SHROOM3: variants seen among roughly 807,000 people sequenced by gnomAD.
SHROOM3 encodes protein Shroom3.
A neutral mutation model predicts 138.6 loss-of-function variants in SHROOM3; 47 were observed. That is an observed-to-expected ratio of 0.34 (90% CI 0.27 to 0.43). The LOEUF (loss-of-function observed/expected upper bound fraction) is 0.43. Ranked by LOEUF, SHROOM3 falls within the 20% of genes least tolerant of loss-of-function variation. The pLI, the probability that SHROOM3 is intolerant of heterozygous loss-of-function variation, is 1.00. For synonymous variants in SHROOM3, 1,062 were observed against 1,063.3 expected, an observed-to-expected ratio of 1.00 and a Z score of 0.02; for missense variants, 2,491 against 2,596.5, an observed-to-expected ratio of 0.96 and a Z score of 0.88.
chr4:76,721,886 G>A (rs1185328427), intron 3 of SHROOM3, among the ~76,000 whole-genome samples: 1 of 152,244 alleles, frequency 6.6e-6, no homozygotes, highest in East Asian at 1.9e-4. Flanking sequence ...AGTAAATATG[G>A]GGAAAATATG....
In SHROOM3 at chr4:76,741,199, G is replaced by A. The variant is rs757427504; in HGVS notation, c.3026G>A (p.Arg1009Gln). The A allele has an allele frequency of 8.7e-6, 14 of 1,602,050 alleles. No homozygotes were observed. Among genetic ancestry groups the A allele is most frequent in the African/African-American group, 1.3e-5 (1 of 74,850 alleles). The change falls in exon 5 of 11, where the codon CGG (arginine) becomes CAG (glutamine). Residue 1009 changes from arginine to glutamine, a missense_variant. Physicochemically the swap from Arg to Gln is conservative, Grantham distance 43 (BLOSUM62 1). This residue lies in a region of SHROOM3 where 1,733 missense variants were observed against 1,661.6 expected (regional missense o/e 1.04). Transcript: ENST00000296043. This position sits in a 1 kb window ranked among gnomAD's most constrained non-coding sequence, Gnocchi z 6.2. The stretch of plus-strand genomic sequence containing the variant: ...CCTGCCGCCCGGAGAGGTGCTCGCC[G>A]GCGCCTGACTCCCGAGCAGAAGAAG... Reference protein sequence around the residue: ...VPPAARRGARRRLTPEQKKRS... With the variant: ...VPPAARRGARQRLTPEQKKRS...
chr4:76,766,520 T>G (rs1435021587), intron 9 of SHROOM3, among the ~76,000 whole-genome samples: 1 of 152,240 alleles, frequency 6.6e-6, no homozygotes, highest in African/African-American at 2.4e-5. Flanking sequence ...TAACAGTTTA[T>G]GCCAGATGAG....
At chr4:76,574,645 A>G (rs1733901814) in intron 2 of SHROOM3, among the ~76,000 whole-genome samples, 1 of 152,256 alleles carries the variant, frequency 6.6e-6, no homozygotes, top group African/African-American at 2.4e-5. Context: ...TAGCCTTAAA[A>G]GCAAAGGAAA....
Position 76,741,512 on chromosome 4 carries a change from T to C in SHROOM3, c.3339T>C (p.Arg1113=). Reference sequence around the variant, plus strand: ...GCCTCCAGGAGCCCGGGCCACTGCGTGAGCGCGCCCAGAGTGCCTACCTCC... The same window carrying C: ...GCCTCCAGGAGCCCGGGCCACTGCGCGAGCGCGCCCAGAGTGCCTACCTCC... ...GCSLQEPGPL[R]ERAQSAYLQP... Residue 1113 remains arginine, a synonymous_variant, in exon 5 of 11, where the codon CGT becomes CGC. Coordinates refer to ENST00000296043, the MANE Select transcript of SHROOM3 (RefSeq NM_020859.4). This position sits in a 1 kb window ranked among gnomAD's most constrained non-coding sequence, Gnocchi z 6.2. The C allele has an allele frequency of 6.4e-7, 1 of 1,554,080 alleles. No individual in the cohort carries two copies. The highest frequency in any genetic ancestry group is 8.7e-7 in the Non-Finnish European group (1 of 1,155,576).
At chr4:76,722,273 G>A (rs1720575425) in intron 3 of SHROOM3, among the ~76,000 whole-genome samples, 1 of 152,138 alleles carries the variant, frequency 6.6e-6, no homozygotes, top group African/African-American at 2.4e-5. Flanking sequence ...GGCCATCAAT[G>A]ACAGATTGGA....
At chr4:76,459,548 A>G (rs576804847) in intron 1 of SHROOM3, among the ~76,000 whole-genome samples, 16 of 152,276 alleles carry the variant, frequency 1.1e-4, no homozygotes, top group Admixed American at 5.2e-4. Context: ...AAACAGGATC[A>G]AGTTGGAGCA....
intron 1 of SHROOM3, among the ~76,000 whole-genome samples, chr4:76,470,227 A>G (rs1322668926): frequency 3.9e-5 from 6 of 152,160 alleles, no homozygotes; most frequent in African/African-American, 1.2e-4. Context: ...CTCTCTGTCT[A>G]CCTCATAGGG....
At chr4:76,590,907 GC>G (rs1172898514) in intron 2 of SHROOM3, among the ~76,000 whole-genome samples, 1 of 152,096 alleles carries the variant, frequency 6.6e-6, no homozygotes, top group East Asian at 1.9e-4. Context: ...AGCTTTATAT[GC>G]CTGGCTATTT....
At chr4:76,564,030 A>G (rs1733649460) in intron 2 of SHROOM3, among the ~76,000 whole-genome samples, 1 of 152,146 alleles carries the variant, frequency 6.6e-6, no homozygotes, top group Admixed American at 6.5e-5. Flanking sequence ...CTGTGTTAGG[A>G]GCGTCTCGTG....
chr4:76,675,218 G>A (rs537925253), intron 2 of SHROOM3, among the ~76,000 whole-genome samples: 9 of 152,240 alleles, frequency 5.9e-5, no homozygotes, highest in East Asian at 5.8e-4. Context: ...GTCCAGATGC[G>A]TATTAGCACC....
At chr4:76,555,524 G>A in intron 1 of SHROOM3, 85 bp from the exon 2 acceptor site, 1 of 1,596,310 alleles carries the variant, frequency 6.3e-7, no homozygotes, top group Admixed American at 1.7e-5. Context: ...CTCTGCAGGA[G>A]TCTAAGCTGG....
At chr4:76,538,244 C>T (rs971013617) in intron 1 of SHROOM3, among the ~76,000 whole-genome samples, 7 of 152,160 alleles carry the variant, frequency 4.6e-5, no homozygotes, top group African/African-American at 7.2e-5. Flanking sequence ...ATGTAAATTA[C>T]ATCTCAATAA....
chr4:76,610,799 T>G (rs567538455), intron 2 of SHROOM3, among the ~76,000 whole-genome samples: 2 of 152,176 alleles, frequency 1.3e-5, no homozygotes, highest in Admixed American at 6.5e-5. Context: ...GATTGAGAGA[T>G]CCAAAGTCAA....
chr4:76,484,708 A>G (rs548831648), intron 1 of SHROOM3, among the ~76,000 whole-genome samples: 60 of 152,314 alleles, frequency 3.9e-4, no homozygotes, highest in African/African-American at 1.4e-3. Context: ...AAAACTGTGG[A>G]TGTTTTGTGG....
At chr4:76,661,975 T>C (rs1413576443) in intron 2 of SHROOM3, among the ~76,000 whole-genome samples, 6 of 152,224 alleles carry the variant, frequency 3.9e-5, no homozygotes, top group Non-Finnish European at 7.3e-5. Context: ...ACCATTTTGT[T>C]CCATAACCTT....
chr4:76,702,764 A>G (rs1719939122), intron 2 of SHROOM3, among the ~76,000 whole-genome samples: 1 of 152,182 alleles, frequency 6.6e-6, no homozygotes, highest in South Asian at 2.1e-4. Context: ...TTTCTTATGC[A>G]CTTGTCCTGG....
chr4:76,629,963 G>A (rs1735266545), intron 2 of SHROOM3, among the ~76,000 whole-genome samples: 1 of 152,272 alleles, frequency 6.6e-6, no homozygotes, highest in African/African-American at 2.4e-5. Context: ...AAATTTCCAT[G>A]GGAAGTTGCT....
chr4:76,764,270 A>G (rs1453947188), intron 9 of SHROOM3, among the ~76,000 whole-genome samples: 1 of 152,196 alleles, frequency 6.6e-6, no homozygotes, highest in Non-Finnish European at 1.5e-5. Flanking sequence ...AGAGCTGTCA[A>G]TTTTTTGGCT....
intron 9 of SHROOM3, among the ~76,000 whole-genome samples, chr4:76,766,893 A>C (rs951589349): frequency 6.6e-6 from 1 of 152,238 alleles, no homozygotes; most frequent in Admixed American, 6.5e-5. Context: ...ATGAGATATC[A>C]CATTAGAGCC....
Sources: allele counts gnomAD v4.1 joint callset (sites outside exome capture counted in the v4.1 genomes callset), GRCh38; gene constraint gnomAD v4.1.1; regional missense constraint gnomAD v4.1.1; non-coding constraint Gnocchi (gnomAD v3.1); transcripts MANE v1.5; gene names NCBI Gene and HGNC (gene_info 2026-07-23, HGNC 2026-07-21).